QTMAN: variants seen among roughly 807,000 people sequenced by gnomAD.
The protein encoded by QTMAN is tRNA-queuosine alpha-mannosyltransferase.
the QTMAN span, among the ~76,000 whole-genome samples, chr2:144,278,938 C>A: frequency 6.6e-6 from 1 of 151,962 alleles, no homozygotes; most frequent in Non-Finnish European, 1.5e-5. Flanking sequence ...TCATTTAATC[C>A]TTTGAACATC....
the QTMAN span, among the ~76,000 whole-genome samples, chr2:144,240,196 A>T: frequency 6.6e-6 from 1 of 152,356 alleles, no homozygotes; most frequent in South Asian, 2.1e-4. Context: ...TCAGCAGGAC[A>T]GAGAAGAATT....
chr2:144,242,960 T>TAAAAA, the QTMAN span, among the ~76,000 whole-genome samples: 10 of 77,800 alleles, frequency 1.3e-4, no homozygotes, highest in East Asian at 3.5e-4. Flanking sequence ...AGACTCTACT[T>TAAAAA]AAAAAAAAAA....
the QTMAN span, chr2:144,210,716 A>T: frequency 2.0e-5 from 3 of 152,222 alleles, no homozygotes; most frequent in Non-Finnish European, 4.4e-5. Flanking sequence ...CCTTCAAATG[A>T]TGGAAATTGC....
chr2:144,099,217 T>A, the QTMAN span, among the ~76,000 whole-genome samples: 6 of 152,216 alleles, frequency 3.9e-5, no homozygotes, highest in Non-Finnish European at 8.8e-5. Flanking sequence ...AGACAGTATC[T>A]CACCACAATG....
chr2:144,205,925 A>T, the QTMAN span, among the ~76,000 whole-genome samples: 2 of 152,220 alleles, frequency 1.3e-5, no homozygotes, highest in Non-Finnish European at 2.9e-5. Flanking sequence ...TAAGAATAAC[A>T]ATAACTATTG....
chr2:144,011,522 C>CA, the QTMAN span: 1 of 577,860 alleles, frequency 1.7e-6, no homozygotes, highest in African/African-American at 2.0e-5. Context: ...ATAATACTAA[C>CA]AAGCAGTTTG....
the QTMAN span, among the ~76,000 whole-genome samples, chr2:144,304,627 T>C: frequency 6.6e-6 from 1 of 152,244 alleles, no homozygotes; most frequent in Admixed American, 6.5e-5. Flanking sequence ...ATTATTTTAA[T>C]AGAAACAGGA....
At chr2:144,299,745 T>C in the QTMAN span, among the ~76,000 whole-genome samples, 1 of 152,208 alleles carries the variant, frequency 6.6e-6, no homozygotes, top group African/African-American at 2.4e-5. Flanking sequence ...AATAAAACTA[T>C]GATCCAGCAA....
At chr2:144,252,207 G>A in the QTMAN span, among the ~76,000 whole-genome samples, 1 of 152,038 alleles carries the variant, frequency 6.6e-6, no homozygotes, top group East Asian at 1.9e-4. Flanking sequence ...TCTCTACAAA[G>A]AATAAATTTG....
At chr2:144,003,028 G>T in the QTMAN span, among the ~76,000 whole-genome samples, 1 of 151,508 alleles carries the variant, frequency 6.6e-6, no homozygotes, top group African/African-American at 2.4e-5. Context: ...GATTTTTTTG[G>T]GAGAATATAG....
chr2:144,116,575 C>T, the QTMAN span, among the ~76,000 whole-genome samples: 1 of 152,054 alleles, frequency 6.6e-6, no homozygotes, highest in Non-Finnish European at 1.5e-5. Flanking sequence ...ACTGCCATAC[C>T]CTATGTCTAT....
the QTMAN span, among the ~76,000 whole-genome samples, chr2:144,056,262 T>C: frequency 6.6e-6 from 1 of 152,224 alleles, no homozygotes; most frequent in African/African-American, 2.4e-5. Context: ...GTCAAGACTT[T>C]TAAATGTGAA....
At chr2:144,182,221 T>C in the QTMAN span, among the ~76,000 whole-genome samples, 4 of 152,182 alleles carry the variant, frequency 2.6e-5, no homozygotes, top group Admixed American at 6.6e-5. Context: ...GCAAAACCAT[T>C]TTAGTGTAGA....
At chr2:143,951,762 A>T in the QTMAN span, among the ~76,000 whole-genome samples, 1 of 151,544 alleles carries the variant, frequency 6.6e-6, no homozygotes, top group Non-Finnish European at 1.5e-5. Context: ...AGTAAATTTT[A>T]AAAAAGCATG....
At chr2:143,938,942 T>C in the QTMAN span, 1 of 152,224 alleles carries the variant, frequency 6.6e-6, no homozygotes, top group African/African-American at 2.4e-5. Flanking sequence ...ATTAAGTTTC[T>C]GCCCTAGTCT....
chr2:143,988,433 T>C, the QTMAN span, among the ~76,000 whole-genome samples: 7 of 152,182 alleles, frequency 4.6e-5, no homozygotes, highest in South Asian at 4.1e-4. Context: ...GACATCTTCC[T>C]TGATGCTCCT....
chr2:143,974,946 A>G, the QTMAN span, among the ~76,000 whole-genome samples: 1 of 152,196 alleles, frequency 6.6e-6, no homozygotes, highest in Non-Finnish European at 1.5e-5. Flanking sequence ...ATTCCAGAAG[A>G]TAAGTCAGGG....
the QTMAN span, chr2:143,952,936 G>A: frequency 1.3e-6 from 1 of 765,652 alleles, no homozygotes; most frequent in Non-Finnish European, 2.3e-6. Flanking sequence ...TTAACTGAAT[G>A]AGCCCAGAGT....
At chr2:144,041,627 G>C in the QTMAN span, among the ~76,000 whole-genome samples, 11,905 of 152,220 alleles carry the variant, frequency 0.078, 632 homozygotes, top group Admixed American at 0.16. Flanking sequence ...GCATTGTTCT[G>C]TGGACGCACT....
Sources: gnomAD v4.1 joint callset for allele counts (sites outside exome capture counted in the v4.1 genomes callset) on GRCh38, gnomAD v4.1.1 for gene constraint, MANE v1.5 for transcripts, NCBI Gene and HGNC (gene_info 2026-07-23, HGNC 2026-07-21) for gene names.